Variants in CCNG1 observed in about 807,000 individuals in gnomAD.
The protein encoded by CCNG1 is cyclin-G1.
In CCNG1, 13 loss-of-function variants were observed where a neutral mutation model predicts 30.0. That is an observed-to-expected ratio of 0.43 (90% CI 0.28 to 0.69). The LOEUF is 0.69. CCNG1 is among the 30% of genes least tolerant of loss of function. CCNG1 has a pLI of 0.16. For synonymous variants in CCNG1, 110 were observed against 121.5 expected (o/e 0.91, Z 0.62); for missense variants, 285 against 331.4 (o/e 0.86, Z 1.09).
At chr5:163,454,643 T>G in the CCNG1 span, among the ~76,000 whole-genome samples, 2 of 152,298 alleles carry the variant, frequency 1.3e-5, no homozygotes, top group African/African-American at 4.8e-5. Flanking sequence ...GCCCAGCCTA[T>G]AGCTAGCATT....
intron 1 of CCNG1, among the ~76,000 whole-genome samples, chr5:163,438,763 C>A (rs1181223599): frequency 6.6e-6 from 1 of 152,104 alleles, no homozygotes; most frequent in Admixed American, 6.5e-5. Flanking sequence ...CGCGGTGGCT[C>A]ACGCCTGTAA....
chr5:163,442,347 A>C, intron 5 of CCNG1, 27 bp from the exon 6 acceptor site: 1 of 1,542,220 alleles, frequency 6.5e-7, no homozygotes, highest in Non-Finnish European at 8.8e-7. Flanking sequence ...TTGGAGTAAT[A>C]ATTTTTTAAA....
At chr5:163,457,299 C>G in the CCNG1 span, among the ~76,000 whole-genome samples, 12 of 152,162 alleles carry the variant, frequency 7.9e-5, no homozygotes, top group South Asian at 2.3e-3. Context: ...GCCCGGCTAA[C>G]TTTTGTATTT....
the CCNG1 span, chr5:163,456,828 T>G: frequency 1.1e-6 from 1 of 913,270 alleles, no homozygotes; most frequent in Non-Finnish European, 1.5e-6. Flanking sequence ...TAGAAAATGT[T>G]TGTAACTTTT....
At chr5:163,454,078 A>T in the CCNG1 span, 1 of 1,229,550 alleles carries the variant, frequency 8.1e-7, no homozygotes, top group Non-Finnish European at 1.1e-6. Context: ...ATATATAATG[A>T]AATAAAACTT....
chr5:163,438,229 C>T (rs1305968707), intron 1 of CCNG1, among the ~76,000 whole-genome samples: 1 of 152,090 alleles, frequency 6.6e-6, no homozygotes, highest in Non-Finnish European at 1.5e-5. Context: ...CAACAACCCA[C>T]CGCACCCCCC....
rs1485969950 is a variant in CCNG1, at chr5:163,443,828, G to T, written c.*158G>T. The T allele has an allele frequency of 1.4e-6, 1 of 698,628 alleles. No homozygotes were observed. The highest frequency in any genetic ancestry group is 1.8e-5 in the African/African-American group (1 of 55,306). The allele number at this position is 698,628 out of a possible 1,614,324, so 43.3% of individuals were successfully genotyped here. On this transcript the variant is annotated 3_prime_UTR_variant, in exon 7 of 7. Coordinates refer to ENST00000340828, the MANE Select transcript of CCNG1 (RefSeq NM_004060.4). ...ACTTGGGAAAACTGCCTAATATTAT[G>T]CTGTAGTGGAATTATGTTTAGATTT...
rs150463575 is a variant in CCNG1 at position 163,442,080 on chromosome 5, G to T, written c.633G>T (p.Glu211Asp). The change falls in exon 5 of 7, where the codon GAG (glutamate) becomes GAT (aspartate). Residue 211 changes from glutamate (E) to aspartate (D), a missense_variant. Physicochemically the swap from Glu to Asp is conservative, Grantham distance 45 (BLOSUM62 2). Coordinates refer to ENST00000340828, the MANE Select transcript of CCNG1 (RefSeq NM_004060.4). ...TGGCATTGTCTATCATTGCATTAGA[G>T]ATCCAAGCACAGAAGTGTGTAGAGT... ...SVLALSIIAL[E>D]IQAQKCVELT... 4 of 1,612,746 alleles carry T rather than the reference G, an allele frequency of 2.5e-6. No individual in the cohort carries two copies. In the African/African-American group the frequency reaches 4.0e-5, roughly 16 times the overall value.
chr5:163,438,495 C>A (rs552365529), intron 1 of CCNG1, among the ~76,000 whole-genome samples: 1 of 152,300 alleles, frequency 6.6e-6, no homozygotes, highest in East Asian at 1.9e-4. Flanking sequence ...TACGTGATTT[C>A]ATTTTAACTC....
At chr5:163,450,580 TAGTATCAGAGAATAGCAA>T (rs1394562765), downstream of CCNG1, 2 of 152,152 alleles carry the variant, frequency 1.3e-5, no homozygotes, top group Admixed American at 6.5e-5. Context: ...ATGCTCAACA[TAGTATCAGAGAATAGCAA>T]ACCAAAACTA....
chr5:163,444,317 C>G lies in CCNG1; in HGVS notation c.*647C>G, dbSNP rs17883523. On this transcript the variant is annotated 3_prime_UTR_variant, in exon 7 of 7. Transcript: ENST00000340828. ...AAGTTTGGCATATTCATTAAGTTAT[C>G]TTTTAATATTTTTTTCTAGAAAACA... The G allele has an allele frequency of 1.2e-4, 18 of 152,552 alleles. 1 individual carries two copies. In the East Asian group the frequency reaches 3.3e-3, roughly 28 times the overall value. 9.4% of individuals were successfully genotyped at this position (152,552 alleles called of 1,614,324 possible). A position where few individuals can be genotyped will look rare whatever the true frequency, so the allele number is the denominator to read the frequency against.
Position 163,443,738 on chromosome 5 carries a change from T to C in CCNG1, c.*68T>C. On this transcript the variant is annotated 3_prime_UTR_variant, in exon 7 of 7. Coordinates refer to ENST00000340828, the MANE Select transcript of CCNG1 (RefSeq NM_004060.4). ...CCACAACCTTGTTCTATGGATTCCA[T>C]AATGTTACAATGGATTTAAGCTATG... The C allele has an allele frequency of 6.6e-7, 1 of 1,522,432 alleles. No homozygotes were observed. 94.3% of individuals were successfully genotyped at this position (1,522,432 alleles called of 1,614,324 possible).
chr5:163,440,145 A>G (rs13360745), intron 2 of CCNG1, among the ~76,000 whole-genome samples: 331 of 152,162 alleles, frequency 2.2e-3, no homozygotes, highest in African/African-American at 7.7e-3. Flanking sequence ...ATGATGTGAC[A>G]ATTGGAAGGA....
At chr5:163,448,857 A>T (rs1240540663), downstream of CCNG1, 2 of 152,208 alleles carry the variant, frequency 1.3e-5, no homozygotes, top group African/African-American at 2.4e-5. Flanking sequence ...TCTAAACAAA[A>T]AGAATGACCA....
chr5:163,453,183 G>A, the CCNG1 span: 1 of 152,044 alleles, frequency 6.6e-6, no homozygotes, highest in African/African-American at 2.4e-5. Context: ...TTTTTCAAGA[G>A]TTAAAAAGGG....
chr5:163,449,202 A>G (rs1174914621), downstream of CCNG1: 1 of 152,252 alleles, frequency 6.6e-6, no homozygotes, highest in Admixed American at 6.5e-5. Flanking sequence ...CATAGACTAA[A>G]AAGAATAAAA....
At chr5:163,450,926 G>C (rs1413404065), downstream of CCNG1, 2 of 152,222 alleles carry the variant, frequency 1.3e-5, no homozygotes, top group Non-Finnish European at 2.9e-5. Context: ...TATAAACAAA[G>C]TGCTACAGCC....
At chr5:163,448,227 A>G (rs1367023512), downstream of CCNG1, 2 of 152,112 alleles carry the variant, frequency 1.3e-5, no homozygotes, top group Non-Finnish European at 2.9e-5. Context: ...CAGAAAATAA[A>G]TGCAATTGTA....
the CCNG1 span, among the ~76,000 whole-genome samples, chr5:163,456,430 T>A: frequency 1.3e-5 from 2 of 152,128 alleles, no homozygotes; most frequent in African/African-American, 4.8e-5. Context: ...AAGAATGAGT[T>A]TTATACCTAT....
Sources: allele counts gnomAD v4.1 joint callset (sites outside exome capture counted in the v4.1 genomes callset), GRCh38; gene constraint gnomAD v4.1.1; transcripts MANE v1.5; gene names NCBI Gene and HGNC (gene_info 2026-07-23, HGNC 2026-07-21).